The following MEGF11 variants were observed in gnomAD, a reference collection of about 807,000 sequenced individuals.
MEGF11 encodes multiple EGF like domains 11.
MEGF11 carries 126 observed loss-of-function variants against 146.6 expected under a neutral mutation model. That is an observed-to-expected ratio of 0.86 (90% CI 0.74 to 1.00). The LOEUF (loss-of-function observed/expected upper bound fraction) is 1.00, where lower values mean the gene tolerates loss of function less well. Ranked by LOEUF, MEGF11 falls within the 50% of genes least tolerant of loss-of-function variation. MEGF11 has a pLI of 0.00. For synonymous variants in MEGF11, 532 were observed against 583.4 expected, an observed-to-expected ratio of 0.91 and a Z score of 1.27; for missense variants, 1,509 against 1,521.2, an observed-to-expected ratio of 0.99 and a Z score of 0.13.
intron 5 of MEGF11, among the ~76,000 whole-genome samples, chr15:66,069,905 G>A (rs541904745): frequency 6.6e-6 from 1 of 152,308 alleles, no homozygotes; most frequent in East Asian, 1.9e-4. Flanking sequence ...GAAATGAATA[G>A]GGATGGCTGT....
intron 9 of MEGF11, among the ~76,000 whole-genome samples, chr15:65,964,677 G>A (rs1176413073): frequency 6.6e-6 from 1 of 152,178 alleles, no homozygotes; most frequent in Non-Finnish European, 1.5e-5. Flanking sequence ...GTAGCCAGGT[G>A]GGGTGGACAG....
intron 5 of MEGF11, among the ~76,000 whole-genome samples, chr15:66,065,363 C>T (rs2085079805): frequency 1.3e-5 from 2 of 151,786 alleles, no homozygotes; most frequent in East Asian, 3.9e-4. Flanking sequence ...GGGAAAATGG[C>T]AAGTGTCAAC....
chr15:65,916,794 C>T (rs2079012711), intron 17 of MEGF11, 34 bp downstream of exon 17: 1 of 1,608,452 alleles, frequency 6.2e-7, no homozygotes, highest in East Asian at 2.2e-5. Context: ...GCATGGTATT[C>T]TAAGTGGCTG....
intron 1 of MEGF11, among the ~76,000 whole-genome samples, chr15:66,211,270 T>TC (rs1345465456): frequency 6.6e-6 from 1 of 152,340 alleles, no homozygotes; most frequent in Admixed American, 6.5e-5. Flanking sequence ...ACGCCTGTAA[T>TC]CTCAGCACTT....
intron 6 of MEGF11, among the ~76,000 whole-genome samples, chr15:65,981,450 G>A (rs189866330): frequency 1.3e-5 from 2 of 152,264 alleles, no homozygotes; most frequent in Non-Finnish European, 2.9e-5. Flanking sequence ...TGGGGTCTTG[G>A]TCTTGGGCCT....
In MEGF11 at chr15:66,227,101, C is replaced by T. The variant is rs147744396; in HGVS notation, c.-9+26504G>A. ...AAGACATCTCTGAGGATTTCTACAG[C>T]CCATGGGGAGGACTAGGTAGTAACA... On this transcript the variant is annotated intron_variant, in intron 1 of 25. Coordinates refer to ENST00000395614, the MANE Select transcript of MEGF11 (RefSeq NM_001385028.1). Among the ~76,000 whole-genome samples, 323 of 152,214 alleles carry T rather than the reference C, an allele frequency of 2.1e-3. 1 individual carries two copies. Among genetic ancestry groups the T allele is most frequent in the African/African-American group, 7.3e-3 (303 of 41,516 alleles).
At chr15:65,951,863 A>G (rs564475838) in intron 10 of MEGF11, among the ~76,000 whole-genome samples, 2 of 151,870 alleles carry the variant, frequency 1.3e-5, no homozygotes, top group Non-Finnish European at 2.9e-5. Flanking sequence ...ATAGCTGGGC[A>G]TGGTGGTACA....
chr15:66,215,588 A>G (rs771252354), intron 1 of MEGF11, among the ~76,000 whole-genome samples: 7 of 152,200 alleles, frequency 4.6e-5, no homozygotes, highest in Non-Finnish European at 8.8e-5. Flanking sequence ...TATCTGTACC[A>G]GAGTGTACAA....
At chr15:66,112,883 A>G (rs549951670) in intron 4 of MEGF11, among the ~76,000 whole-genome samples, 1 of 152,348 alleles carries the variant, frequency 6.6e-6, no homozygotes, top group East Asian at 1.9e-4. Context: ...TTGGTAACTC[A>G]TAGACCTTCC....
At chr15:65,932,269 G>C (rs903789133) in intron 10 of MEGF11, among the ~76,000 whole-genome samples, 7 of 152,122 alleles carry the variant, frequency 4.6e-5, no homozygotes, top group Non-Finnish European at 8.8e-5. Flanking sequence ...TGGGATGGGG[G>C]AAGGGGCCAT....
rs2087255701 is a variant in MEGF11 at position 66,109,191 on chromosome 15, G to C, written c.301+9895C>G. On this transcript the variant is annotated intron_variant, in intron 4 of 25. Coordinates refer to ENST00000395614, the MANE Select transcript of MEGF11 (RefSeq NM_001385028.1). Reference sequence around the variant, plus strand: ...AAGTCCTTGAACACAGCCATCCATGGCTCACCCATCCCTGCACACCCCCCA... The same window carrying C: ...AAGTCCTTGAACACAGCCATCCATGCCTCACCCATCCCTGCACACCCCCCA... 3.3e-5 allele frequency among the ~76,000 whole-genome samples: 5 copies of C among 152,086 alleles called. No individual in the cohort carries two copies. In the South Asian group the frequency reaches 8.3e-4, roughly 25 times the overall value.
intron 5 of MEGF11, among the ~76,000 whole-genome samples, chr15:66,020,237 C>T (rs1279297911): frequency 6.6e-6 from 1 of 152,224 alleles, no homozygotes; most frequent in Non-Finnish European, 1.5e-5. Flanking sequence ...GGGACTCCAA[C>T]AGGAACATTG....
intron 1 of MEGF11, among the ~76,000 whole-genome samples, chr15:66,245,201 A>G (rs1181399841): frequency 6.6e-6 from 1 of 152,226 alleles, no homozygotes; most frequent in Non-Finnish European, 1.5e-5. Context: ...GGTGAGTCCT[A>G]GCAGTGAACA....
At chr15:65,969,611 AG>A (rs956466488) in intron 8 of MEGF11, among the ~76,000 whole-genome samples, 2 of 152,216 alleles carry the variant, frequency 1.3e-5, no homozygotes, top group Non-Finnish European at 2.9e-5. Flanking sequence ...TGGGAGCTGG[AG>A]GAGCCCCGAT....
At chr15:66,229,812 G>T (rs2091930933) in intron 1 of MEGF11, among the ~76,000 whole-genome samples, 1 of 152,142 alleles carries the variant, frequency 6.6e-6, no homozygotes, top group Non-Finnish European at 1.5e-5. Context: ...TGGCCAAGAT[G>T]GGAAACTGGA....
At chr15:66,213,933 C>G (rs999388754) in intron 1 of MEGF11, among the ~76,000 whole-genome samples, 15 of 151,934 alleles carry the variant, frequency 9.9e-5, no homozygotes, top group Non-Finnish European at 1.3e-4. Context: ...GCTCCCAAAC[C>G]AGAGAAACCT....
chr15:66,058,451 G>A (rs1265876899), intron 5 of MEGF11, among the ~76,000 whole-genome samples: 1 of 152,210 alleles, frequency 6.6e-6, no homozygotes, highest in Non-Finnish European at 1.5e-5. Flanking sequence ...AGGAGCTGAG[G>A]AGGCAGTTTC....
At chr15:66,168,692 A>G (rs2090164894) in intron 1 of MEGF11, among the ~76,000 whole-genome samples, 2 of 152,370 alleles carry the variant, frequency 1.3e-5, no homozygotes, top group South Asian at 2.1e-4. Flanking sequence ...TATTAAAATA[A>G]GGCTGGGTTC....
chr15:66,097,241 C>G (rs773270081), intron 4 of MEGF11, among the ~76,000 whole-genome samples: 1 of 152,214 alleles, frequency 6.6e-6, no homozygotes, highest in Admixed American at 6.5e-5. Context: ...ATTGGGCCAC[C>G]GCGTGTTTGG....
Sources: gnomAD v4.1 joint callset for allele counts (sites outside exome capture counted in the v4.1 genomes callset) on GRCh38, gnomAD v4.1.1 for gene constraint, MANE v1.5 for transcripts, NCBI Gene and HGNC (gene_info 2026-07-23, HGNC 2026-07-21) for gene names.